CADM2: variants seen among roughly 807,000 people sequenced by gnomAD.
CADM2 encodes the protein cell adhesion molecule 2, also known as immunoglobulin superfamily member 4D.
CADM2 carries 12 observed loss-of-function variants against 49.8 expected under a neutral mutation model. The observed-to-expected ratio is 0.24, with a 90% CI of 0.15 to 0.39. The LOEUF (loss-of-function observed/expected upper bound fraction) is 0.39, where lower values mean the gene tolerates loss of function less well. Ranked by LOEUF, CADM2 falls within the 10% of genes least tolerant of loss-of-function variation. The pLI is 1.00. For synonymous variants in CADM2, 214 were observed against 175.4 expected, an observed-to-expected ratio of 1.22 and a Z score of -1.74; for missense variants, 378 against 492.3, an observed-to-expected ratio of 0.77 and a Z score of 2.20.
At chr3:86,013,642 T>C (rs1731830188) in intron 8 of CADM2, 4 of 1,602,574 alleles carry the variant, frequency 2.5e-6, no homozygotes, top group Middle Eastern at 2.3e-4. Context: ...GACGATGTAG[T>C]GGACATAGCA....
At chr3:85,234,814 G>A (rs1315208274) in intron 1 of CADM2, among the ~76,000 whole-genome samples, 1 of 152,102 alleles carries the variant, frequency 6.6e-6, no homozygotes, top group Admixed American at 6.6e-5. Flanking sequence ...TCACAAACAT[G>A]TTAACACCCT....
chr3:85,452,889 C>T (rs2037817038), intron 1 of CADM2, among the ~76,000 whole-genome samples: 3 of 152,080 alleles, frequency 2.0e-5, no homozygotes, highest in Non-Finnish European at 4.4e-5. Flanking sequence ...AAGGAAGAAT[C>T]CCAGCTCATA....
intron 1 of CADM2, among the ~76,000 whole-genome samples, chr3:85,093,028 C>T (rs977506937): frequency 6.6e-6 from 1 of 152,142 alleles, no homozygotes; most frequent in African/African-American, 2.4e-5. Context: ...TATTCTTCCC[C>T]TTTCTTTCCC....
chr3:85,952,591 T>A (rs1723570982), intron 7 of CADM2, among the ~76,000 whole-genome samples: 1 of 150,994 alleles, frequency 6.6e-6, no homozygotes, highest in South Asian at 2.1e-4. Context: ...TTTAATTGCT[T>A]TGTTGGTTAG....
chr3:85,940,945 C>G (rs1721816165), intron 7 of CADM2, among the ~76,000 whole-genome samples: 1 of 151,966 alleles, frequency 6.6e-6, no homozygotes, highest in Non-Finnish European at 1.5e-5. Context: ...CCACTGATAG[C>G]CTTCCTCAGT....
chr3:85,254,549 T>C (rs1429312273), intron 1 of CADM2, among the ~76,000 whole-genome samples: 1 of 152,048 alleles, frequency 6.6e-6, no homozygotes, highest in Non-Finnish European at 1.5e-5. Context: ...TCACCAGGAA[T>C]CTCATTAGCC....
chr3:85,768,143 T>A (rs2069760138), intron 2 of CADM2, among the ~76,000 whole-genome samples: 1 of 152,258 alleles, frequency 6.6e-6, no homozygotes, highest in South Asian at 2.1e-4. Context: ...TACATGGATA[T>A]TTATTTAAAA....
intron 1 of CADM2, among the ~76,000 whole-genome samples, chr3:85,538,561 G>A (rs2061473525): frequency 6.6e-6 from 1 of 152,062 alleles, no homozygotes; most frequent in Non-Finnish European, 1.5e-5. Context: ...TTACTGAGAA[G>A]TTTGAGATGC....
At chr3:85,995,014 T>TAAAAAAAAAAAAAAAAAAAA (rs59038758) in intron 8 of CADM2, among the ~76,000 whole-genome samples, 7 of 83,000 alleles carry the variant, frequency 8.4e-5, no homozygotes, top group Admixed American at 1.6e-4. Flanking sequence ...TTCGATTTGT[T>TAAAAAAAAAAAAAAAAAAAA]AAAAAAAAAA....
intron 1 of CADM2, among the ~76,000 whole-genome samples, chr3:85,321,089 T>TAC (rs2044587271): frequency 9.5e-6 from 1 of 104,810 alleles, no homozygotes; most frequent in Admixed American, 1.1e-4. Flanking sequence ...AATAGATATA[T>TAC]ACATATATAT....
chr3:86,072,859 A>G lies in CADM2; in HGVS notation c.*6076A>G, dbSNP rs1442971547. 1 of 152,054 alleles carries G rather than the reference A, an allele frequency of 6.6e-6. No homozygotes were observed. The highest frequency in any genetic ancestry group is 2.4e-5 in the African/African-American group (1 of 41,438). The allele number at this position is 152,054 out of a possible 1,614,324, so 9.4% of individuals were successfully genotyped here. ...AATGTATGGAATAAATCTCATAAAT[A>G]GAAAGAAAAATAATCTAGAAATTTT... On this transcript the variant is annotated 3_prime_UTR_variant, in exon 10 of 10. Coordinates refer to ENST00000383699, the MANE Select transcript of CADM2 (RefSeq NM_001167675.2).
At chr3:85,563,235 T>C (rs1170680031) in intron 1 of CADM2, among the ~76,000 whole-genome samples, 3 of 152,132 alleles carry the variant, frequency 2.0e-5, no homozygotes, top group African/African-American at 7.2e-5. Context: ...TCTGGCAGAA[T>C]ACCTGCAGTA....
chr3:85,452,462 C>G (rs1370732060), intron 1 of CADM2, among the ~76,000 whole-genome samples: 1 of 152,066 alleles, frequency 6.6e-6, no homozygotes, highest in Non-Finnish European at 1.5e-5. Flanking sequence ...TACAATAGTA[C>G]TGGCTCTGTG....
chr3:85,260,152 G>GA (rs1208719004), intron 1 of CADM2, among the ~76,000 whole-genome samples: 2 of 151,948 alleles, frequency 1.3e-5, no homozygotes, highest in Admixed American at 1.3e-4. Context: ...CAATCAATGT[G>GA]AAAAAATGAT....
chr3:85,676,669 C>G (rs2065893926), intron 1 of CADM2, among the ~76,000 whole-genome samples: 1 of 152,110 alleles, frequency 6.6e-6, no homozygotes, highest in Admixed American at 6.5e-5. Context: ...TTTCATTACA[C>G]TTATTATAGC....
intron 1 of CADM2, among the ~76,000 whole-genome samples, chr3:85,495,939 C>T (rs1459527673): frequency 6.6e-6 from 1 of 152,030 alleles, no homozygotes; most frequent in Non-Finnish European, 1.5e-5. Context: ...GTATCCAAAC[C>T]ATATCAGTTA....
At position 85,742,216 on chromosome 3, in the gene CADM2, T is replaced by A. The variant is rs78629267; in HGVS notation, c.88+15668T>A. Among the ~76,000 whole-genome samples, 1,146 of 152,348 alleles carry A rather than the reference T, an allele frequency of 7.5e-3. 23 individuals are homozygous for A. The highest frequency in any genetic ancestry group is 0.027 in the African/African-American group (1,102 of 41,582). On this transcript the variant is annotated intron_variant, in intron 2 of 9. Transcript: ENST00000383699. Reference sequence around the variant, plus strand: ...CAGAAATAGCACTGTGGCAGTCATCTAGTGGTTCCTATGCCAGGTTGCAGG... The same window carrying A: ...CAGAAATAGCACTGTGGCAGTCATCAAGTGGTTCCTATGCCAGGTTGCAGG...
At chr3:85,809,675 C>T (rs1012612180) in intron 3 of CADM2, among the ~76,000 whole-genome samples, 4 of 103,744 alleles carry the variant, frequency 3.9e-5, no homozygotes, top group Non-Finnish European at 5.8e-5. Flanking sequence ...TTCCTTCCTT[C>T]CTTCCTTCCT....
rs530855103 is a variant in CADM2, at chr3:85,532,074, G to C, written c.62-194448G>C. Among the ~76,000 whole-genome samples the C allele has an allele frequency of 7.9e-5, 12 of 152,306 alleles. No individual in the cohort carries two copies. The South Asian group carries it at 2.5e-3, about 32-fold the overall frequency. On this transcript the variant is annotated intron_variant, in intron 1 of 9. Transcript: ENST00000383699. ...AGCCTGTAGTCCCAGCGACTCTGGAGGCTGAGGCAGGAGAATGGCGTGAAC... is the reference window on the plus strand; with the variant it reads ...AGCCTGTAGTCCCAGCGACTCTGGACGCTGAGGCAGGAGAATGGCGTGAAC...
Sources: allele counts gnomAD v4.1 joint callset (sites outside exome capture counted in the v4.1 genomes callset), GRCh38; gene constraint gnomAD v4.1.1; transcripts MANE v1.5; gene names NCBI Gene and HGNC (gene_info 2026-07-23, HGNC 2026-07-21).